LRRC4C: variants seen among roughly 807,000 people sequenced by gnomAD.
LRRC4C encodes the protein leucine-rich repeat-containing protein 4C.
Under a neutral mutation model 33.6 loss-of-function variants are expected in LRRC4C, and 5 were observed. The observed-to-expected ratio is 0.15, with a 90% CI of 0.08 to 0.31. The LOEUF (loss-of-function observed/expected upper bound fraction) is 0.31, where lower values mean the gene tolerates loss of function less well. Ranked by LOEUF, LRRC4C falls within the 10% of genes least tolerant of loss-of-function variation. The pLI, the probability that LRRC4C is intolerant of heterozygous loss-of-function variation, is 1.00. For synonymous variants in LRRC4C, 329 were observed against 302.0 expected (o/e 1.09, Z -0.93); for missense variants, 560 against 796.7 (o/e 0.70, Z 3.58).
At chr11:41,295,654 C>T (rs1050912257) in intron 1 of LRRC4C, among the ~76,000 whole-genome samples, 2 of 151,024 alleles carry the variant, frequency 1.3e-5, no homozygotes, top group Non-Finnish European at 2.9e-5. Flanking sequence ...CCGGGAACTT[C>T]ATTCTTCATG....
At position 40,478,899 on chromosome 11, in the gene LRRC4C, G is replaced by A. The variant is rs936473891; in HGVS notation, c.-269-159178C>T. Among the ~76,000 whole-genome samples the A allele has an allele frequency of 2.0e-5, 3 of 152,174 alleles. No homozygotes were observed. The South Asian group carries it at 6.2e-4, about 32-fold the overall frequency. On this transcript the variant is annotated intron_variant, in intron 3 of 6. Coordinates refer to ENST00000528697, the MANE Select transcript of LRRC4C (RefSeq NM_001258419.2). ...AATACTAATAAAGCTTTGGAAAAGT[G>A]TATGCCATTCTGCTAATGTTGGTTA...
At chr11:40,221,790 G>C (rs868490083) in intron 5 of LRRC4C, among the ~76,000 whole-genome samples, 1 of 151,908 alleles carries the variant, frequency 6.6e-6, no homozygotes, top group Non-Finnish European at 1.5e-5. Flanking sequence ...TCTAATTACC[G>C]GTGCATGCAG....
At chr11:41,349,949 A>AT (rs1175002774) in intron 1 of LRRC4C, among the ~76,000 whole-genome samples, 4 of 151,948 alleles carry the variant, frequency 2.6e-5, no homozygotes, top group African/African-American at 7.2e-5. Context: ...ATTGCTTTAC[A>AT]TTTTTGCAAA....
At chr11:41,453,042 T>C (rs948488634) in intron 1 of LRRC4C, among the ~76,000 whole-genome samples, 8 of 152,216 alleles carry the variant, frequency 5.3e-5, no homozygotes, top group Admixed American at 2.6e-4. Flanking sequence ...CAAGGTAAGA[T>C]ATGGAAATAC....
chr11:40,498,049 C>T (rs1259516387), intron 3 of LRRC4C, among the ~76,000 whole-genome samples: 1 of 152,132 alleles, frequency 6.6e-6, no homozygotes. Context: ...TTACATTTAT[C>T]TACATAATTA....
At chr11:41,265,398 G>A (rs1200315730) in intron 1 of LRRC4C, among the ~76,000 whole-genome samples, 7 of 152,096 alleles carry the variant, frequency 4.6e-5, no homozygotes, top group Admixed American at 4.6e-4. Flanking sequence ...GTAAGATTGA[G>A]AAAGCAAGAC....
At chr11:41,135,508 C>T (rs1943217792) in intron 1 of LRRC4C, among the ~76,000 whole-genome samples, 1 of 152,172 alleles carries the variant, frequency 6.6e-6, no homozygotes, top group Non-Finnish European at 1.5e-5. Flanking sequence ...TGAATCTTTA[C>T]ATCCCTTGGA....
chr11:41,161,726 T>C (rs947135056), intron 1 of LRRC4C, among the ~76,000 whole-genome samples: 1 of 152,212 alleles, frequency 6.6e-6, no homozygotes, highest in African/African-American at 2.4e-5. Context: ...TCATCTTATG[T>C]GCATGTGAAA....
chr11:40,806,958 A>T (rs536778166), intron 2 of LRRC4C, among the ~76,000 whole-genome samples: 13 of 152,068 alleles, frequency 8.5e-5, no homozygotes, highest in Non-Finnish European at 1.8e-4. Flanking sequence ...GTTGAGTAGG[A>T]TTAAAAAAAA....
At chr11:40,910,786 C>T (rs1240987378) in intron 2 of LRRC4C, among the ~76,000 whole-genome samples, 3 of 152,334 alleles carry the variant, frequency 2.0e-5, no homozygotes, top group Non-Finnish European at 4.4e-5. Context: ...TCAGGGAATT[C>T]CCTTTCCTAG....
Position 41,238,350 on chromosome 11 carries a change from C to T in LRRC4C, c.-496+221081G>A, listed in dbSNP as rs141252059. ...AAACATAAAGGTGTCAACGAGTGTT[C>T]TTTATTTGACCTATATTTAATAATA... is the stretch of plus-strand genomic sequence containing the variant. On this transcript the variant is annotated intron_variant, in intron 1 of 6. Coordinates refer to ENST00000528697, the MANE Select transcript of LRRC4C (RefSeq NM_001258419.2). Among the ~76,000 whole-genome samples the T allele has an allele frequency of 2.3e-3, 355 of 152,146 alleles. 1 individual carries two copies. The highest frequency in any genetic ancestry group is 6.8e-3 in the Middle Eastern group (2 of 292).
At chr11:40,180,510 G>A (rs1045956756) in intron 5 of LRRC4C, among the ~76,000 whole-genome samples, 1 of 152,090 alleles carries the variant, frequency 6.6e-6, no homozygotes, top group Non-Finnish European at 1.5e-5. Flanking sequence ...TATGTTCTAC[G>A]TGACATGAAC....
chr11:41,341,680 A>G (rs2137473611), intron 1 of LRRC4C, among the ~76,000 whole-genome samples: 1 of 152,342 alleles, frequency 6.6e-6, no homozygotes, highest in Non-Finnish European at 1.5e-5. Flanking sequence ...CTTTCCAAGC[A>G]TGAGGCTAAA....
intron 4 of LRRC4C, among the ~76,000 whole-genome samples, chr11:40,257,354 A>G (rs1427785227): frequency 6.6e-6 from 1 of 152,140 alleles, no homozygotes; most frequent in African/African-American, 2.4e-5. Flanking sequence ...ACTATATACC[A>G]AGTATAAAAA....
intron 1 of LRRC4C, among the ~76,000 whole-genome samples, chr11:41,019,717 C>G (rs1377650718): frequency 6.6e-6 from 1 of 152,082 alleles, no homozygotes; most frequent in Admixed American, 6.5e-5. Flanking sequence ...GCCATTCTGA[C>G]TGGTATGAGA....
At chr11:40,598,105 G>A (rs1959554405) in intron 3 of LRRC4C, among the ~76,000 whole-genome samples, 2 of 152,126 alleles carry the variant, frequency 1.3e-5, no homozygotes, top group South Asian at 4.1e-4. Flanking sequence ...GAGAAAACAG[G>A]CCACACAAGA....
At chr11:40,522,662 T>C (rs775503892) in intron 3 of LRRC4C, among the ~76,000 whole-genome samples, 10 of 152,176 alleles carry the variant, frequency 6.6e-5, no homozygotes, top group Non-Finnish European at 1.5e-4. Context: ...AACTTTTTCA[T>C]GTACCCTAAC....
At chr11:40,395,329 G>A (rs1949497813) in intron 3 of LRRC4C, among the ~76,000 whole-genome samples, 1 of 152,026 alleles carries the variant, frequency 6.6e-6, no homozygotes, top group African/African-American at 2.4e-5. Flanking sequence ...CCTGTGAAGC[G>A]TAACTCTGCT....
chr11:40,662,429 A>G (rs1298686082), intron 2 of LRRC4C, among the ~76,000 whole-genome samples: 1 of 152,218 alleles, frequency 6.6e-6, no homozygotes, highest in Non-Finnish European at 1.5e-5. Flanking sequence ...TCAGGAAGAC[A>G]CAATGAGAAA....
Sources: allele counts gnomAD v4.1 joint callset (sites outside exome capture counted in the v4.1 genomes callset), GRCh38; gene constraint gnomAD v4.1.1; transcripts MANE v1.5; gene names NCBI Gene and HGNC (gene_info 2026-07-23, HGNC 2026-07-21).